Variants in KIF6 observed in about 807,000 individuals in gnomAD.
KIF6 encodes the protein kinesin-like protein KIF6.
In KIF6, 106 loss-of-function variants were observed where a neutral mutation model predicts 112.7. The ratio of observed to expected loss-of-function variants is 0.94; its 90% CI spans 0.80 to 1.11. KIF6 has a LOEUF of 1.11. Among genes scored for constraint, KIF6 ranks in the 50% least tolerant of loss-of-function variants. The pLI, the probability that KIF6 is intolerant of heterozygous loss-of-function variation, is 0.00. For synonymous variants in KIF6, 339 were observed against 339.9 expected, an observed-to-expected ratio of 1.00 and a Z score of 0.03; for missense variants, 929 against 964.0, an observed-to-expected ratio of 0.96 and a Z score of 0.48.
chr6:39,591,059 T>C (rs1159789417), intron 7 of KIF6, among the ~76,000 whole-genome samples: 1 of 152,220 alleles, frequency 6.6e-6, no homozygotes, highest in Non-Finnish European at 1.5e-5. Flanking sequence ...AGAATTCTTT[T>C]TCCCTAATCA....
chr6:39,656,175 T>C (rs1785770305), intron 3 of KIF6, among the ~76,000 whole-genome samples: 2 of 152,194 alleles, frequency 1.3e-5, no homozygotes, highest in South Asian at 4.1e-4. Context: ...ATGTGTGTGA[T>C]AGGGTGTCTC....
intron 13 of KIF6, among the ~76,000 whole-genome samples, chr6:39,452,135 T>C (rs573673155): frequency 1.4e-3 from 219 of 152,320 alleles, no homozygotes; most frequent in African/African-American, 3.7e-3. Context: ...TGTCTTGTCT[T>C]TAATCCAGAA....
intron 13 of KIF6, among the ~76,000 whole-genome samples, chr6:39,440,596 C>T (rs1229161345): frequency 1.3e-5 from 2 of 151,772 alleles, no homozygotes; most frequent in Non-Finnish European, 1.5e-5. Flanking sequence ...CACTGTTCAT[C>T]GTCCCCTGTT....
At chr6:39,472,148 C>G (rs1774152447) in intron 13 of KIF6, among the ~76,000 whole-genome samples, 1 of 152,096 alleles carries the variant, frequency 6.6e-6, no homozygotes, top group Non-Finnish European at 1.5e-5. Context: ...CCTTTCATGC[C>G]CTACAGTCTG....
At chr6:39,693,807 T>C (rs1788365774) in intron 3 of KIF6, among the ~76,000 whole-genome samples, 1 of 152,100 alleles carries the variant, frequency 6.6e-6, no homozygotes, top group African/African-American at 2.4e-5. Flanking sequence ...GACTCCTTCC[T>C]AACTCATTCT....
At chr6:39,591,283 G>T (rs945821273) in intron 7 of KIF6, among the ~76,000 whole-genome samples, 1 of 152,134 alleles carries the variant, frequency 6.6e-6, no homozygotes, top group Non-Finnish European at 1.5e-5. Flanking sequence ...GCTCTCTAAA[G>T]AATTAGAGAT....
intron 13 of KIF6, among the ~76,000 whole-genome samples, chr6:39,478,684 A>C (rs1052326085): frequency 6.8e-6 from 1 of 147,296 alleles, no homozygotes; most frequent in South Asian, 2.1e-4. Context: ...TGTTCACTGC[A>C]TCCATGACAA....
intron 3 of KIF6, among the ~76,000 whole-genome samples, chr6:39,693,670 A>AT (rs1788356337): frequency 6.6e-6 from 1 of 152,054 alleles, no homozygotes; most frequent in East Asian, 1.9e-4. Flanking sequence ...GGAATCAGTA[A>AT]TAAAAAAAAA....
rs138239464 is a variant in KIF6, at chr6:39,541,102, G to A, written c.1427-881C>T. Among the ~76,000 whole-genome samples, 396 of 152,326 alleles carry A rather than the reference G, an allele frequency of 2.6e-3. 4 individuals carry two copies. The highest frequency in any genetic ancestry group is 8.8e-3 in the African/African-American group (366 of 41,580). On this transcript the variant is annotated intron_variant, in intron 12 of 22. Transcript: ENST00000287152. ...CGCTAGAGAAGGCTCATTAAAATGGGAGTCTAAATGTGGTATGTGTCCTAA... is the reference window on the plus strand; with the variant it reads ...CGCTAGAGAAGGCTCATTAAAATGGAAGTCTAAATGTGGTATGTGTCCTAA...
chr6:39,631,468 C>T (rs140302064), intron 5 of KIF6, among the ~76,000 whole-genome samples: 1 of 152,140 alleles, frequency 6.6e-6, no homozygotes, highest in Non-Finnish European at 1.5e-5. Flanking sequence ...TTATTTCTAA[C>T]TTGTTTAGAT....
intron 10 of KIF6, among the ~76,000 whole-genome samples, chr6:39,576,150 G>A (rs185496586): frequency 1.3e-3 from 199 of 151,268 alleles, no homozygotes; most frequent in African/African-American, 4.4e-3. Context: ...TTCTTTTTTT[G>A]AGATGGAGTT....
chr6:39,534,208 C>A (rs565714628), intron 13 of KIF6, among the ~76,000 whole-genome samples: 2 of 152,134 alleles, frequency 1.3e-5, no homozygotes, highest in Non-Finnish European at 2.9e-5. Flanking sequence ...CAAAGCTGGA[C>A]GGAGAATGAC....
chr6:39,369,331 C>T (rs72860027), intron 16 of KIF6, among the ~76,000 whole-genome samples: 5,045 of 152,160 alleles, frequency 0.033, 189 homozygotes, highest in East Asian at 0.2. Flanking sequence ...AATGACCCTG[C>T]GGACACATGG....
At chr6:39,546,082 C>A (rs149287377) in intron 10 of KIF6, among the ~76,000 whole-genome samples, 92 of 152,154 alleles carry the variant, frequency 6.0e-4, no homozygotes, top group African/African-American at 2.2e-3. Flanking sequence ...TCAGTGATAC[C>A]CCACTATTTT....
chr6:39,573,436 G>A (rs527297595), intron 10 of KIF6, among the ~76,000 whole-genome samples: 1 of 152,188 alleles, frequency 6.6e-6, no homozygotes, highest in Non-Finnish European at 1.5e-5. Flanking sequence ...GGTAATTATG[G>A]GAAACATAAT....
In KIF6 at chr6:39,540,301, T is replaced by C. The variant is rs890334383; in HGVS notation, c.1427-80A>G. On this transcript the variant is annotated intron_variant, in intron 12 of 22. Transcript: ENST00000287152. ...ACAAATGTCCTAAGTGTCATTAATG[T>C]TCCTAACATTTGCTATTTATCATGT... 39 of 890,638 alleles carry C rather than the reference T, an allele frequency of 4.4e-5. No homozygotes were observed. In the Admixed American group the frequency reaches 6.5e-4, roughly 15 times the overall value. The allele number at this position is 890,638 out of a possible 1,614,324, so 55.2% of individuals were successfully genotyped here. A position where few individuals can be genotyped will look rare whatever the true frequency, so the allele number is the denominator to read the frequency against.
At chr6:39,346,122 C>CCTCCCT (rs1763758652) in intron 20 of KIF6, among the ~76,000 whole-genome samples, 1 of 14,908 alleles carries the variant, frequency 6.7e-5, no homozygotes, top group Non-Finnish European at 1.1e-4. Context: ...TCTCCCTCTC[C>CCTCCCT]CTCCCTCTCC....
chr6:39,704,276 T>C (rs566445503), intron 3 of KIF6, among the ~76,000 whole-genome samples: 1 of 152,314 alleles, frequency 6.6e-6, no homozygotes, highest in South Asian at 2.1e-4. Context: ...TGGATTGTCA[T>C]GGCAAATGAG....
At chr6:39,530,941 A>G (rs73414651) in intron 13 of KIF6, among the ~76,000 whole-genome samples, 6,349 of 152,246 alleles carry the variant, frequency 0.042, 324 homozygotes, top group African/African-American at 0.12. Context: ...AATCTTAAAT[A>G]TTGTAATGAA....
Sources: gnomAD v4.1 joint callset for allele counts (sites outside exome capture counted in the v4.1 genomes callset) on GRCh38, gnomAD v4.1.1 for gene constraint, MANE v1.5 for transcripts, NCBI Gene and HGNC (gene_info 2026-07-23, HGNC 2026-07-21) for gene names.